ACIN1: variants seen among roughly 807,000 people sequenced by gnomAD.
ACIN1 encodes apoptotic chromatin condensation inducer in the nucleus.
Under a neutral mutation model 146.6 loss-of-function variants are expected in ACIN1, and 16 were observed. The ratio of observed to expected loss-of-function variants is 0.11; its 90% CI spans 0.07 to 0.17. The LOEUF (loss-of-function observed/expected upper bound fraction) is 0.17, where lower values mean the gene tolerates loss of function less well. Ranked by LOEUF, ACIN1 falls within the 10% of genes least tolerant of loss-of-function variation. The probability of loss-of-function intolerance (pLI) is 1.00; values close to 1 mark genes in which losing one functional copy is unlikely to be tolerated. For synonymous variants in ACIN1, 569 were observed against 582.7 expected (o/e 0.98, Z 0.34); for missense variants, 1,357 against 1,609.3 (o/e 0.84, Z 2.68).
At position 23,059,019 on chromosome 14, in the gene ACIN1, G is replaced by C; in HGVS notation, c.*129C>G. Reference sequence around the variant, plus strand: ...AAAAGGATGGCCACTTTTCCATTTGGTATGTATGTAGGGATAGGTGATGTG... The same window carrying C: ...AAAAGGATGGCCACTTTTCCATTTGCTATGTATGTAGGGATAGGTGATGTG... On this transcript the variant is annotated 3_prime_UTR_variant, in exon 19 of 19. Coordinates refer to ENST00000605057, the MANE Select transcript of ACIN1 (RefSeq NM_001386863.1). 6.0e-6 allele frequency: 5 copies of C among 833,972 alleles called. No individual in the cohort carries two copies. Among genetic ancestry groups the C allele is most frequent in the Non-Finnish European group, 5.7e-6 (3 of 528,038 alleles). The allele number at this position is 833,972 out of a possible 1,614,324, so 51.7% of individuals were successfully genotyped here.
At chr14:23,075,174 C>T (rs913117444) in intron 8 of ACIN1, among the ~76,000 whole-genome samples, 1 of 152,156 alleles carries the variant, frequency 6.6e-6, no homozygotes, top group African/African-American at 2.4e-5. Flanking sequence ...GAAGGACAAA[C>T]ATGCATTGTA....
At position 23,061,525 on chromosome 14, in the gene ACIN1, G is replaced by A. The variant is rs201233896; in HGVS notation, c.3197C>T (p.Pro1066Leu). 57 of 1,602,930 alleles carry A rather than the reference G, an allele frequency of 3.6e-5. No homozygotes were observed. Among genetic ancestry groups the A allele is most frequent in the Non-Finnish European group, 4.7e-5 (55 of 1,175,236 alleles). The stretch of plus-strand genomic sequence containing the variant: ...CCGGGGGTGCTGTGGTGGCTGGACC[G>A]GGGGTGGGGGTGGGGGGTGCAGGGG... ...PRPLHPPPPP[P>L]VQPPQHPRAE... The change falls in exon 17 of 19, where the codon CCG (proline) becomes CTG (leucine). Residue 1066 changes from proline (P) to leucine (L), a missense_variant. Physicochemically the swap from Pro to Leu is moderately conservative, Grantham distance 98 (BLOSUM62 -3). This residue lies in a region of ACIN1 where 509 missense variants were observed against 719.6 expected (regional missense o/e 0.71). Coordinates refer to ENST00000605057, the MANE Select transcript of ACIN1 (RefSeq NM_001386863.1).
In ACIN1 at chr14:23,064,168, T is replaced by C; in HGVS notation, c.2532A>G (p.Thr844=). ...ADDSRISEDE[T]ERNGDDGTHD... ...GGGTCCCATCATCGCCATTACGCTC[T>C]GTCTCATCCTCAGAGATGCGAGAGT... The change falls in exon 12 of 19, where the codon ACA becomes ACG. Residue 844 remains threonine, a synonymous_variant. Transcript: ENST00000605057. 6.2e-7 allele frequency: 1 copy of C among 1,614,200 alleles called. No individual in the cohort carries two copies. The highest frequency in any genetic ancestry group is 1.3e-5 in the African/African-American group (1 of 75,064).
chr14:23,061,971 C>CAAACAA (rs1555370307), intron 16 of ACIN1, among the ~76,000 whole-genome samples, 197 bp downstream of exon 16: 2 of 59,146 alleles, frequency 3.4e-5, no homozygotes, highest in Non-Finnish European at 6.3e-5. Context: ...GACTCTGTCT[C>CAAACAA]AAAAAAAAAA....
At chr14:23,062,831 G>A in intron 14 of ACIN1, 98 bp downstream of exon 14, 3 of 1,327,554 alleles carry the variant, frequency 2.3e-6, no homozygotes, top group South Asian at 1.4e-5. Flanking sequence ...TAATCTATTG[G>A]TAGACCAGTT....
chr14:23,089,050 G>A (rs10873082), intron 4 of ACIN1, among the ~76,000 whole-genome samples: 61,074 of 151,916 alleles, frequency 0.4, 12,281 homozygotes, highest in Middle Eastern at 0.54. Context: ...ATGATTTTAT[G>A]TATTTTTTGA....
rs1054527827 is a variant in ACIN1, at chr14:23,059,027, G to A, written c.*121C>T. ...GGCCACTTTTCCATTTGGTATGTAT[G>A]TAGGGATAGGTGATGTGAAAGACCC... On this transcript the variant is annotated 3_prime_UTR_variant, in exon 19 of 19. Coordinates refer to ENST00000605057, the MANE Select transcript of ACIN1 (RefSeq NM_001386863.1). The A allele has an allele frequency of 1.7e-4, 150 of 900,316 alleles. 1 individual carries two copies. The highest frequency in any genetic ancestry group is 3.5e-5 in the Non-Finnish European group (20 of 578,280). 55.8% of individuals were successfully genotyped at this position (900,316 alleles called of 1,614,324 possible).
At chr14:23,075,817 G>A (rs971015109) in intron 8 of ACIN1, among the ~76,000 whole-genome samples, 3 of 151,878 alleles carry the variant, frequency 2.0e-5, no homozygotes, top group African/African-American at 7.3e-5. Context: ...CGATTCTCCT[G>A]TCTCAGCCTC....
In ACIN1 at chr14:23,074,146, CT is replaced by C. The variant is rs200344513; in HGVS notation, c.2123+4004del. ...AGCCATCATGCCCGGCCGAAAATTT[CT>C]TTTTTTTAAGAATAAGAATCTTACC... On this transcript the variant is annotated intron_variant, in intron 8 of 18. Coordinates refer to ENST00000605057, the MANE Select transcript of ACIN1 (RefSeq NM_001386863.1). Among the ~76,000 whole-genome samples, 920 of 151,444 alleles carry C rather than the reference CT, an allele frequency of 6.1e-3. 11 individuals are homozygous for C. Among genetic ancestry groups the C allele is most frequent in the African/African-American group, 0.02 (847 of 41,358 alleles).
chr14:23,063,483 G>T lies in ACIN1; in HGVS notation c.2690C>A (p.Ser897Ter). Residue 897 changes from serine to a stop codon, truncating the protein, a stop_gained, in exon 13 of 19, where the codon TCA becomes TAA. Transcript: ENST00000605057. LOFTEE classifies it high-confidence loss of function. ...AGGTGGGGGCAAGGCCACCTCTACT[G>T]ACACCTGGGGAGGTACAGGAGGTTC... ...EAEPPVPPQVSVEVALPPPAE... is the reference protein window; with the variant it reads ...EAEPPVPPQV 1 of 1,614,182 alleles carries T rather than the reference G, an allele frequency of 6.2e-7. No homozygotes were observed. Among genetic ancestry groups the T allele is most frequent in the Non-Finnish European group, 8.5e-7 (1 of 1,180,030 alleles).
intron 8 of ACIN1, 35 bp from the exon 9 acceptor site, chr14:23,069,652 G>GGCGGGGGGGCCCCGGC: frequency 1.7e-6 from 1 of 577,974 alleles, no homozygotes; most frequent in Non-Finnish European, 3.3e-6. Flanking sequence ...GGGGGGGCGG[G>GGCGGGGGGGCCCCGGC]CAGAAAAGAA....
At chr14:23,095,403 A>T, upstream of ACIN1, 1 of 1,290,902 alleles carries the variant, frequency 7.7e-7, no homozygotes. Flanking sequence ...GAAACCCTCG[A>T]CCCTGGTATA....
At chr14:23,066,618 C>G (rs2047465764) in intron 9 of ACIN1, 1 of 152,278 alleles carries the variant, frequency 6.6e-6, no homozygotes. Context: ...AGCACCAGAC[C>G]CACTGGAGAT....
At chr14:23,071,389 C>T in intron 8 of ACIN1, 1 of 1,549,826 alleles carries the variant, frequency 6.5e-7, no homozygotes, top group South Asian at 1.2e-5. Flanking sequence ...GAGGCTAAAA[C>T]AGATCTGGCT....
chr14:23,085,799 C>T lies in ACIN1; in HGVS notation c.437-3963G>A, dbSNP rs115029841. On this transcript the variant is annotated intron_variant, in intron 4 of 18. Coordinates refer to ENST00000605057, the MANE Select transcript of ACIN1 (RefSeq NM_001386863.1). ...TGTCTTAGGCCAGATGTTAGTAACA[C>T]GTGTAGACAGTGAGCGCTTTAGCTA... Among the ~76,000 whole-genome samples the T allele has an allele frequency of 8.8e-3, 1,346 of 152,286 alleles. 16 individuals carry two copies. The highest frequency in any genetic ancestry group is 0.03 in the African/African-American group (1,238 of 41,546).
chr14:23,062,809 CAGTG>C, intron 14 of ACIN1, 116 bp downstream of exon 14: 1 of 1,156,648 alleles, frequency 8.6e-7, no homozygotes, highest in South Asian at 1.5e-5. Flanking sequence ...CACTCAAGAT[CAGTG>C]AGTAACTTAA....
intron 2 of ACIN1, among the ~76,000 whole-genome samples, chr14:23,092,727 T>G (rs1463853991): frequency 6.6e-6 from 1 of 152,226 alleles, no homozygotes; most frequent in Non-Finnish European, 1.5e-5. Flanking sequence ...TTTTGGATTT[T>G]AACTGTGGAA....
At position 23,090,731 on chromosome 14, in the gene ACIN1, C is replaced by T. The variant is rs1694742635; in HGVS notation, c.205-98G>A. On this transcript the variant is annotated intron_variant, in intron 2 of 18. Transcript: ENST00000605057. ...AGCAAAGGTCCACTCCTTATAGTTG[C>T]GCCCAAGAAAGATAACTAAAATGTT... 15 of 839,830 alleles carry T rather than the reference C, an allele frequency of 1.8e-5. No homozygotes were observed. The Admixed American group carries it at 1.8e-4, about 10-fold the overall frequency. 52.0% of individuals were successfully genotyped at this position (839,830 alleles called of 1,614,324 possible).
chr14:23,071,216 C>CA (rs1187081263), intron 8 of ACIN1: 56 of 1,510,596 alleles, frequency 3.7e-5, no homozygotes, highest in Middle Eastern at 1.7e-4. Flanking sequence ...AAAAACCAAA[C>CA]AAAAAAAATC....
Sources: allele counts gnomAD v4.1 joint callset (sites outside exome capture counted in the v4.1 genomes callset), GRCh38; gene constraint gnomAD v4.1.1; regional missense constraint gnomAD v4.1.1; transcripts MANE v1.5; gene names NCBI Gene and HGNC (gene_info 2026-07-23, HGNC 2026-07-21).